Variants in NKAIN2 observed in about 807,000 individuals in gnomAD.
NKAIN2 encodes the protein sodium/potassium-transporting ATPase subunit beta-1-interacting protein 2.
A neutral mutation model predicts 32.6 loss-of-function variants in NKAIN2; 14 were observed. The ratio of observed to expected loss-of-function variants is 0.43; its 90% CI spans 0.28 to 0.67. NKAIN2 has a LOEUF of 0.67. NKAIN2 is among the 30% of genes least tolerant of loss of function. The pLI is 0.17. For synonymous variants in NKAIN2, 80 were observed against 87.2 expected (o/e 0.92, Z 0.46); for missense variants, 198 against 258.3 (o/e 0.77, Z 1.60).
rs567780911 is a variant in NKAIN2 at position 124,557,529 on chromosome 6, G to GT, written c.274-100649dup. On this transcript the variant is annotated intron_variant, in intron 3 of 6. Transcript: ENST00000368417. ...AAAGTCCCTAAACTACTGTAACTGA[G>GT]TTTTTTTTAACAAATTAGTACTGTC... Among the ~76,000 whole-genome samples, 116 of 152,120 alleles carry GT rather than the reference G, an allele frequency of 7.6e-4. 1 individual carries two copies. The highest frequency in any genetic ancestry group is 2.6e-3 in the African/African-American group (107 of 41,514).
intron 2 of NKAIN2, among the ~76,000 whole-genome samples, chr6:124,297,759 G>A (rs528381038): frequency 5.7e-4 from 80 of 141,328 alleles, no homozygotes; most frequent in Non-Finnish European, 1.0e-3. Context: ...CTTTCTCCGT[G>A]TTTTTATGTG....
chr6:124,235,658 G>C (rs550401536), intron 1 of NKAIN2, among the ~76,000 whole-genome samples: 5 of 151,396 alleles, frequency 3.3e-5, no homozygotes, highest in Non-Finnish European at 7.4e-5. Flanking sequence ...GAGTGCAATG[G>C]TGCGGTCTTA....
rs536793534 is a variant in NKAIN2 at position 123,922,641 on chromosome 6, G to A, written c.54+118387G>A. On this transcript the variant is annotated intron_variant, in intron 1 of 6. Coordinates refer to ENST00000368417, the MANE Select transcript of NKAIN2 (RefSeq NM_001040214.3). Reference sequence around the variant, plus strand: ...ATGTGCAACAGTTATAAAATATAGTGTCTGGCTGAGGGTCGATGGGACTCA... The same window carrying A: ...ATGTGCAACAGTTATAAAATATAGTATCTGGCTGAGGGTCGATGGGACTCA... 2.6e-5 allele frequency among the ~76,000 whole-genome samples: 4 copies of A among 152,246 alleles called. No homozygotes were observed. The South Asian group carries it at 8.3e-4, about 32-fold the overall frequency.
chr6:124,549,521 A>G (rs185243822), intron 3 of NKAIN2, among the ~76,000 whole-genome samples: 92 of 152,274 alleles, frequency 6.0e-4, no homozygotes, highest in African/African-American at 2.0e-3. Context: ...GCATTTATCA[A>G]AACTAAAAAT....
At chr6:123,978,081 T>C (rs1778721713) in intron 1 of NKAIN2, among the ~76,000 whole-genome samples, 1 of 152,206 alleles carries the variant, frequency 6.6e-6, no homozygotes, top group Admixed American at 6.5e-5. Context: ...GAAACACTCC[T>C]TTCCATTACT....
At chr6:124,606,735 A>G (rs967949855) in intron 3 of NKAIN2, among the ~76,000 whole-genome samples, 1 of 152,152 alleles carries the variant, frequency 6.6e-6, no homozygotes, top group African/African-American at 2.4e-5. Context: ...ATGACAGTCT[A>G]TCTTCATTAA....
At chr6:123,914,292 AGG>A (rs756126467) in intron 1 of NKAIN2, among the ~76,000 whole-genome samples, 34 of 152,076 alleles carry the variant, frequency 2.2e-4, no homozygotes, top group South Asian at 6.2e-4. Flanking sequence ...AGTCAGAGAG[AGG>A]GAGAGAGGGA....
intron 1 of NKAIN2, among the ~76,000 whole-genome samples, chr6:124,220,842 A>G (rs1292708706): frequency 6.6e-6 from 1 of 152,124 alleles, no homozygotes; most frequent in Non-Finnish European, 1.5e-5. Flanking sequence ...ATAAATATTT[A>G]TTTAGTTGAA....
In NKAIN2 at chr6:123,848,966, C is replaced by A. The variant is rs201631294; in HGVS notation, c.54+44712C>A. On this transcript the variant is annotated intron_variant, in intron 1 of 6. Transcript: ENST00000368417. ...ATTATTTAAGCTAAACTTTAAAAATCATATGACATGGTCCTCCCTACTTAA... is the reference window on the plus strand; with the variant it reads ...ATTATTTAAGCTAAACTTTAAAAATAATATGACATGGTCCTCCCTACTTAA... Among the ~76,000 whole-genome samples the A allele has an allele frequency of 2.6e-5, 4 of 152,174 alleles. No individual in the cohort carries two copies. The East Asian group carries it at 5.8e-4, about 22-fold the overall frequency.
chr6:124,414,364 T>C (rs551832141), intron 3 of NKAIN2, among the ~76,000 whole-genome samples: 2 of 152,318 alleles, frequency 1.3e-5, no homozygotes, highest in African/African-American at 2.4e-5. Context: ...ACTGTATTCT[T>C]AGAATATTAT....
chr6:124,203,700 C>G (rs565976254), intron 1 of NKAIN2, among the ~76,000 whole-genome samples: 1 of 151,598 alleles, frequency 6.6e-6, no homozygotes, highest in East Asian at 1.9e-4. Flanking sequence ...GCTGACAGCA[C>G]GGGAGCAAGT....
At chr6:124,555,418 A>C (rs1780436421) in intron 3 of NKAIN2, among the ~76,000 whole-genome samples, 1 of 152,206 alleles carries the variant, frequency 6.6e-6, no homozygotes, top group African/African-American at 2.4e-5. Context: ...AAGAACTTAC[A>C]ACATTCCCTC....
chr6:124,286,561 C>T (rs937293387), intron 2 of NKAIN2, among the ~76,000 whole-genome samples: 5 of 151,166 alleles, frequency 3.3e-5, no homozygotes, highest in African/African-American at 4.9e-5. Context: ...ATGTTATTTT[C>T]ATTTTTAATT....
At chr6:124,259,722 C>G (rs567364227) in intron 1 of NKAIN2, among the ~76,000 whole-genome samples, 2 of 152,192 alleles carry the variant, frequency 1.3e-5, no homozygotes, top group African/African-American at 4.8e-5. Context: ...AGAGTGGGTC[C>G]ACTTTCTGTC....
chr6:124,644,431 G>A (rs1254869148), intron 3 of NKAIN2, among the ~76,000 whole-genome samples: 2 of 144,286 alleles, frequency 1.4e-5, no homozygotes, highest in South Asian at 2.2e-4. Context: ...TTGAGACATA[G>A]TCTCGCTCTT....
chr6:123,864,734 A>G (rs1387361240), intron 1 of NKAIN2, among the ~76,000 whole-genome samples: 1 of 152,168 alleles, frequency 6.6e-6, no homozygotes, highest in East Asian at 1.9e-4. Flanking sequence ...TTAAAATTTT[A>G]AAATATATTA....
At chr6:124,664,623 T>C (rs993523707) in intron 4 of NKAIN2, among the ~76,000 whole-genome samples, 2 of 149,092 alleles carry the variant, frequency 1.3e-5, no homozygotes, top group Non-Finnish European at 3.0e-5. Context: ...TGAAACCCCG[T>C]CTCTACTAAA....
rs139387166 is a variant in NKAIN2, at chr6:123,984,196, C to T, written c.54+179942C>T. Among the ~76,000 whole-genome samples, 542 of 152,194 alleles carry T rather than the reference C, an allele frequency of 3.6e-3. 3 individuals are homozygous for T. Among genetic ancestry groups the T allele is most frequent in the African/African-American group, 0.012 (511 of 41,520 alleles). ...TTCTGGGATTACAGGCGTGAGTCAC[C>T]GCGCCCGGCCAGACTCTCCATTCTT... On this transcript the variant is annotated intron_variant, in intron 1 of 6. Transcript: ENST00000368417.
intron 3 of NKAIN2, among the ~76,000 whole-genome samples, chr6:124,423,385 G>A (rs1450345943): frequency 6.6e-6 from 1 of 152,150 alleles, no homozygotes. Flanking sequence ...TTACCTTTGT[G>A]AGATTTATGT....
Sources: allele counts gnomAD v4.1 joint callset (sites outside exome capture counted in the v4.1 genomes callset), GRCh38; gene constraint gnomAD v4.1.1; transcripts MANE v1.5; gene names NCBI Gene and HGNC (gene_info 2026-07-23, HGNC 2026-07-21).